Variants in DDHD2 observed in about 807,000 individuals in gnomAD.
DDHD2 encodes DDHD domain containing 2, also known as triacylglycerol hydrolase DDHD2.
A neutral mutation model predicts 91.2 loss-of-function variants in DDHD2; 62 were observed. The observed-to-expected ratio is 0.68, with a 90% CI of 0.55 to 0.84. The LOEUF (loss-of-function observed/expected upper bound fraction) is 0.84, where lower values mean the gene tolerates loss of function less well. Among genes scored for constraint, DDHD2 ranks in the 40% least tolerant of loss-of-function variants. DDHD2 has a pLI of 0.00. For synonymous variants in DDHD2, 271 were observed against 293.9 expected (o/e 0.92, Z 0.80); for missense variants, 740 against 846.9 (o/e 0.87, Z 1.57).
In DDHD2 at chr8:38,238,142, C is replaced by T. The variant is rs996213581; in HGVS notation, c.555C>T (p.Pro185=). 1 of 1,613,936 alleles carries T rather than the reference C, an allele frequency of 6.2e-7. No individual in the cohort carries two copies. The highest frequency in any genetic ancestry group is 1.3e-5 in the African/African-American group (1 of 75,042). ...GGTCTGATGATTGGGGTTCAACACC[C>T]ACGGAGCAGGGTCGACCAAGAACTG... The part of the protein sequence containing the change: ...VAGSDDWGST[P]TEQGRPRTVK... Residue 185 remains proline, a synonymous_variant, in exon 5 of 18, where the codon CCC becomes CCT. Coordinates refer to ENST00000397166, the MANE Select transcript of DDHD2 (RefSeq NM_015214.3).
In DDHD2 at chr8:38,260,846, T is replaced by G. The variant is rs1806967363; in HGVS notation, c.*273T>G. 6.6e-6 allele frequency: 1 copy of G among 152,450 alleles called. No individual in the cohort carries two copies. The highest frequency in any genetic ancestry group is 2.4e-5 in the African/African-American group (1 of 41,480). The allele number at this position is 152,450 out of a possible 1,614,324, so 9.4% of individuals were successfully genotyped here. A position where few individuals can be genotyped will look rare whatever the true frequency, so the allele number is the denominator to read the frequency against. ...GGGGTGGTTTGTGTCTTTAATTCTT[T>G]GATGATAGTTTATAGTTGCCACACT... On this transcript the variant is annotated 3_prime_UTR_variant, in exon 18 of 18. Transcript: ENST00000397166.
intron 1 of DDHD2, chr8:38,269,342 G>A: frequency 1.2e-6 from 1 of 832,672 alleles, no homozygotes; most frequent in Non-Finnish European, 1.7e-6. Flanking sequence ...CTGTGCCGAG[G>A]GCATCGTCTG....
chr8:38,257,211 G>A (rs1029359508), intron 16 of DDHD2, among the ~76,000 whole-genome samples: 1 of 145,572 alleles, frequency 6.9e-6, no homozygotes, highest in African/African-American at 2.5e-5. Context: ...GGGATTACAG[G>A]TGTAAGCCAC....
chr8:38,263,502 C>T (rs1807198166), downstream of DDHD2: 1 of 985,320 alleles, frequency 1.0e-6, no homozygotes, highest in African/African-American at 1.7e-5. Flanking sequence ...AACCACACTC[C>T]TGACCATTTT....
rs903900006 is a variant in DDHD2 at position 38,269,203 on chromosome 8, GC to G, written n.88-1917del. ...CCGCCGCCGCCGCCTTCCCCATCCG[GC>G]CGCGAGCTCCGAGCGACGCTGCGCT... On this transcript the variant is annotated intron_variant and non_coding_transcript_variant, in intron 1 of 1. Coordinates refer to the DDHD2 transcript ENST00000526071. 4.7e-6 allele frequency: 7 copies of G among 1,498,372 alleles called. No homozygotes were observed. The African/African-American group carries it at 8.7e-5, about 19-fold the overall frequency. 92.8% of individuals were successfully genotyped at this position (1,498,372 alleles called of 1,614,324 possible).
intron 3 of DDHD2, among the ~76,000 whole-genome samples, chr8:38,236,001 G>GTAGA (rs1267362804): frequency 2.6e-5 from 4 of 152,066 alleles, no homozygotes; most frequent in African/African-American, 9.7e-5. Context: ...TTAAATTGGA[G>GTAGA]TAGAGCGTTA....
chr8:38,251,716 C>G (rs1476126074), intron 11 of DDHD2, 196 bp from the exon 12 acceptor site: 2 of 492,592 alleles, frequency 4.1e-6, no homozygotes, highest in African/African-American at 3.9e-5. Flanking sequence ...CTATATAATC[C>G]TTTGGCTATA....
chr8:38,236,908 T>C (rs949791721), intron 3 of DDHD2, among the ~76,000 whole-genome samples: 1 of 151,768 alleles, frequency 6.6e-6, no homozygotes, highest in Admixed American at 6.6e-5. Context: ...CAGGTGATCT[T>C]CCTGCCTTGG....
At chr8:38,269,636 C>T (rs1183161305) in intron 1 of DDHD2, 1 of 180,582 alleles carries the variant, frequency 5.5e-6, no homozygotes, top group African/African-American at 2.4e-5. Flanking sequence ...TCCTCCCACC[C>T]AGGATGGCCT....
At chr8:38,247,132 T>C (rs1805697701) in intron 9 of DDHD2, 1 of 151,170 alleles carries the variant, frequency 6.6e-6, no homozygotes, top group South Asian at 2.1e-4. Flanking sequence ...TTTTTTTCTT[T>C]CTTTTTTTTT....
chr8:38,255,825 A>G (rs1806474598), intron 16 of DDHD2, among the ~76,000 whole-genome samples: 2 of 152,118 alleles, frequency 1.3e-5, no homozygotes, highest in African/African-American at 2.4e-5. Flanking sequence ...TCACCTACTC[A>G]TGAGTATATC....
At chr8:38,270,921 C>CAA (rs920676097) in intron 1 of DDHD2, 1 of 152,112 alleles carries the variant, frequency 6.6e-6, no homozygotes, top group African/African-American at 2.4e-5. Context: ...CAAAACAAAA[C>CAA]AAAAAACAGA....
chr8:38,267,691 A>C, downstream of DDHD2: 1 of 639,922 alleles, frequency 1.6e-6, no homozygotes, highest in Non-Finnish European at 2.7e-6. Flanking sequence ...TTGGTGGGAA[A>C]TGCTGTTCAG....
In DDHD2 at chr8:38,245,798, A is replaced by T; in HGVS notation, c.905A>T (p.Asp302Val). The change falls in exon 8 of 18, where the codon GAC becomes GTC. Residue 302 changes from aspartate to valine, a missense_variant. Physicochemically the swap from Asp to Val is radical, Grantham distance 152. Coordinates refer to ENST00000397166, the MANE Select transcript of DDHD2 (RefSeq NM_015214.3). ...AACCGCCTCAGGCACTTCACCAATG[A>T]CACAATTCTGGATGTCTTCTTCTAC... ...SINRLRHFTN[D>V]TILDVFFYNS... is the part of the protein sequence containing the mutation. 6.2e-7 allele frequency: 1 copy of T among 1,614,188 alleles called. No individual in the cohort carries two copies. Among genetic ancestry groups the T allele is most frequent in the Non-Finnish European group, 8.5e-7 (1 of 1,180,036 alleles).
intron 16 of DDHD2, among the ~76,000 whole-genome samples, chr8:38,258,002 G>A (rs987800356): frequency 6.6e-6 from 1 of 151,954 alleles, no homozygotes; most frequent in African/African-American, 2.4e-5. Context: ...TTTAGAAACA[G>A]GATCTTGCAT....
downstream of DDHD2, chr8:38,263,293 T>C (rs138730344): frequency 1.9e-4 from 134 of 697,536 alleles, no homozygotes; most frequent in Non-Finnish European, 2.0e-4. Context: ...TTGTTCCTTA[T>C]ATTCCATTGT....
At chr8:38,252,531 C>A (rs1806191142) in intron 13 of DDHD2, among the ~76,000 whole-genome samples, 191 bp from the exon 14 acceptor site, 1 of 151,252 alleles carries the variant, frequency 6.6e-6, no homozygotes, top group South Asian at 2.1e-4. Flanking sequence ...CATCCCAGCA[C>A]TTTGGGAGGT....
At chr8:38,265,137 G>C (rs577885037), downstream of DDHD2, 2,257 of 546,888 alleles carry the variant, frequency 4.1e-3, 8 homozygotes, top group Non-Finnish European at 5.2e-3. Flanking sequence ...GTGGTGGCAT[G>C]TGCCTGTAAT....
At chr8:38,259,898 A>T in intron 16 of DDHD2, 142 bp from the exon 17 acceptor site, 1 of 609,880 alleles carries the variant, frequency 1.6e-6, no homozygotes, top group Non-Finnish European at 2.9e-6. Context: ...ACTGCCAATT[A>T]CATTACTTCT....
Sources: gnomAD v4.1 joint callset for allele counts (sites outside exome capture counted in the v4.1 genomes callset) on GRCh38, gnomAD v4.1.1 for gene constraint, MANE v1.5 for transcripts, NCBI Gene and HGNC (gene_info 2026-07-23, HGNC 2026-07-21) for gene names.